COBL: variants seen among roughly 807,000 people sequenced by gnomAD.
COBL encodes the protein cordon-bleu WH2 repeat protein.
In COBL, 51 loss-of-function variants were observed where a neutral mutation model predicts 98.8. The ratio of observed to expected loss-of-function variants is 0.52; its 90% CI spans 0.41 to 0.65. COBL has a LOEUF of 0.65. COBL is among the 30% of genes least tolerant of loss of function. The pLI is 0.00. For synonymous variants in COBL, 634 were observed against 651.7 expected, an observed-to-expected ratio of 0.97 and a Z score of 0.41; for missense variants, 1,617 against 1,617.5, an observed-to-expected ratio of 1.00 and a Z score of 0.01.
Position 51,027,776 on chromosome 7 carries a change from G to C in COBL, c.3320C>G (p.Thr1107Arg), listed in dbSNP as rs758641946. 2.7e-5 allele frequency: 43 copies of C among 1,614,118 alleles called. No homozygotes were observed. The highest frequency in any genetic ancestry group is 3.5e-5 in the Non-Finnish European group (41 of 1,180,038). Reference protein sequence around the residue: ...PVVQRPVPKDTSLHSALMEAI... With the variant: ...PVVQRPVPKDRSLHSALMEAI... ...TTCCATCAGGGCAGAGTGCAGGGAT[G>C]TGTCTTTTGGGACTGGTCTCTGGAC... The change falls in exon 10 of 13, where the codon ACA becomes AGA. Residue 1107 changes from threonine to arginine, a missense_variant. This residue lies in a region of COBL where 1,304 missense variants were observed against 1,282.0 expected (regional missense o/e 1.02). Coordinates refer to ENST00000265136, the MANE Select transcript of COBL (RefSeq NM_015198.5).
chr7:51,220,090 A>C, intron 1 of COBL, 146 bp from the exon 2 acceptor site: 1 of 669,646 alleles, frequency 1.5e-6, no homozygotes, highest in Non-Finnish European at 2.5e-6. Context: ...CCCCCAAACA[A>C]GTAAAAACTA....
At chr7:51,146,444 G>A (rs79445265) in intron 5 of COBL, among the ~76,000 whole-genome samples, 3,048 of 152,212 alleles carry the variant, frequency 0.02, 84 homozygotes, top group African/African-American at 0.069. Context: ...CCTTCAAAGC[G>A]ATCGGCAGTT....
At chr7:51,308,302 C>A (rs1434948499) in intron 1 of COBL, among the ~76,000 whole-genome samples, 1 of 152,188 alleles carries the variant, frequency 6.6e-6, no homozygotes, top group Admixed American at 6.5e-5. Context: ...TTTTTAAATA[C>A]AACTCCCAAG....
intron 5 of COBL, among the ~76,000 whole-genome samples, chr7:51,151,485 T>G (rs1252483077): frequency 6.6e-6 from 1 of 152,162 alleles, no homozygotes; most frequent in Non-Finnish European, 1.5e-5. Context: ...TATTAACAAG[T>G]GACTGGTGTG....
At chr7:51,191,366 T>C (rs1408355781) in intron 3 of COBL, among the ~76,000 whole-genome samples, 3 of 152,170 alleles carry the variant, frequency 2.0e-5, no homozygotes, top group Non-Finnish European at 4.4e-5. Context: ...TATACTTTAC[T>C]GTCTTCCAAG....
intron 7 of COBL, among the ~76,000 whole-genome samples, chr7:51,055,112 A>G (rs1790611431): frequency 6.6e-6 from 1 of 152,172 alleles, no homozygotes. Context: ...CCCCAGCCGG[A>G]GTTCTCAGAA....
At chr7:51,047,014 A>C (rs1440329535) in intron 7 of COBL, among the ~76,000 whole-genome samples, 1 of 152,232 alleles carries the variant, frequency 6.6e-6, no homozygotes, top group Non-Finnish European at 1.5e-5. Context: ...CCAGTGACTA[A>C]TTAGGAATCT....
At chr7:51,132,167 C>A (rs1046306406) in intron 6 of COBL, among the ~76,000 whole-genome samples, 3 of 152,244 alleles carry the variant, frequency 2.0e-5, no homozygotes, top group African/African-American at 7.2e-5. Flanking sequence ...AGAACCCCGG[C>A]TGGGGCCATG....
At chr7:51,184,024 G>A (rs947002713) in intron 5 of COBL, 78 bp downstream of exon 5, 1 of 684,564 alleles carries the variant, frequency 1.5e-6, no homozygotes, top group African/African-American at 1.9e-5. Context: ...AAAAGTTCCA[G>A]GACAGGTTGA....
chr7:51,054,355 C>T (rs1385198850), intron 7 of COBL, among the ~76,000 whole-genome samples: 1 of 152,100 alleles, frequency 6.6e-6, no homozygotes, highest in Non-Finnish European at 1.5e-5. Context: ...GAGATTTCCA[C>T]TGGGTTGGCC....
chr7:51,270,550 T>C (rs1054523560), intron 1 of COBL, among the ~76,000 whole-genome samples: 8 of 152,212 alleles, frequency 5.3e-5, no homozygotes, highest in African/African-American at 1.9e-4. Flanking sequence ...CAATGTTTTT[T>C]CACTGGATAA....
At chr7:51,047,720 C>T (rs1789853908) in intron 7 of COBL, among the ~76,000 whole-genome samples, 1 of 152,146 alleles carries the variant, frequency 6.6e-6, no homozygotes. Context: ...GCCTGTGGGT[C>T]CCACGGCCAC....
Position 51,193,920 on chromosome 7 carries a change from A to G in COBL, c.246-331T>C, listed in dbSNP as rs111374749. Reference sequence around the variant, plus strand: ...ATATTTTTCATGCATACAAGACACTAAATTTTCAGTTATTCAGAAATATAA... The same window carrying G: ...ATATTTTTCATGCATACAAGACACTGAATTTTCAGTTATTCAGAAATATAA... On this transcript the variant is annotated intron_variant, in intron 2 of 12. Transcript: ENST00000265136. Among the ~76,000 whole-genome samples, 836 of 152,322 alleles carry G rather than the reference A, an allele frequency of 5.5e-3. 8 individuals carry two copies. Among genetic ancestry groups the G allele is most frequent in the African/African-American group, 0.019 (775 of 41,572 alleles).
chr7:51,094,248 G>A (rs557795719), intron 6 of COBL, among the ~76,000 whole-genome samples: 1 of 151,996 alleles, frequency 6.6e-6, no homozygotes, highest in African/African-American at 2.4e-5. Flanking sequence ...AGGAAAAGAG[G>A]AGACATTGGT....
intron 5 of COBL, among the ~76,000 whole-genome samples, chr7:51,162,630 G>A (rs1285121351): frequency 1.3e-5 from 2 of 152,160 alleles, no homozygotes; most frequent in Non-Finnish European, 2.9e-5. Context: ...GCTCCGGTCA[G>A]GTTTACTCAC....
At chr7:51,280,969 G>A (rs777114259) in intron 1 of COBL, among the ~76,000 whole-genome samples, 2 of 152,104 alleles carry the variant, frequency 1.3e-5, no homozygotes, top group African/African-American at 2.4e-5. Flanking sequence ...AAGAGCCAGA[G>A]TACCATAATG....
At chr7:51,057,304 G>GTA (rs756894341) in intron 7 of COBL, among the ~76,000 whole-genome samples, 64 of 149,510 alleles carry the variant, frequency 4.3e-4, no homozygotes, top group Middle Eastern at 3.4e-3. Flanking sequence ...GAAAAAAACA[G>GTA]TATATATATA....
intron 6 of COBL, among the ~76,000 whole-genome samples, chr7:51,108,917 G>GACACAC (rs1159629618): frequency 3.6e-4 from 21 of 57,914 alleles, no homozygotes; most frequent in Admixed American, 1.3e-3. Context: ...CTGACACATA[G>GACACAC]ACACACACAC....
intron 1 of COBL, among the ~76,000 whole-genome samples, chr7:51,275,449 T>C (rs1052452550): frequency 1.3e-5 from 2 of 152,194 alleles, no homozygotes; most frequent in Non-Finnish European, 2.9e-5. Flanking sequence ...CTGCCTCCAG[T>C]TCTGTCTGAC....
Sources: gnomAD v4.1 joint callset for allele counts (sites outside exome capture counted in the v4.1 genomes callset) on GRCh38, gnomAD v4.1.1 for gene constraint, gnomAD v4.1.1 regional missense constraint, MANE v1.5 for transcripts, NCBI Gene and HGNC (gene_info 2026-07-23, HGNC 2026-07-21) for gene names.